Variants in CDH17 observed in about 807,000 individuals in gnomAD.
CDH17 encodes cadherin-17.
A neutral mutation model predicts 86.3 loss-of-function variants in CDH17; 67 were observed. That is an observed-to-expected ratio of 0.78 (90% CI 0.64 to 0.95). The LOEUF is 0.95. Ranked by LOEUF, CDH17 falls within the 40% of genes least tolerant of loss-of-function variation. The pLI is 0.00. For missense variants in CDH17, 993 were observed against 1,017.6 expected (o/e 0.98, Z 0.33); for synonymous variants, 367 against 366.4 (o/e 1.00, Z -0.02).
chr8:94,173,269 G>T (rs1813303839), intron 7 of CDH17, among the ~76,000 whole-genome samples: 1 of 152,134 alleles, frequency 6.6e-6, no homozygotes, highest in African/African-American at 2.4e-5. Context: ...CCAGTGGGAG[G>T]TGGGATCATG....
Position 94,200,532 on chromosome 8 carries a change from C to CTTTTTTTTTTTTTTTTTTTTTTTTTTT in CDH17, c.-20-5828_-20-5827insAAAAAAAAAAAAAAAAAAAAAAAAAAA, listed in dbSNP as rs1387182561. Among the ~76,000 whole-genome samples, 2 of 50,236 alleles carry CTTTTTTTTTTTTTTTTTTTTTTTTTTT rather than the reference C, an allele frequency of 4.0e-5. 1 individual carries two copies. The allele number at this position is 50,236 out of a possible 152,430, so 33.0% of individuals were successfully genotyped here. A position where few individuals can be genotyped will look rare whatever the true frequency, so the allele number is the denominator to read the frequency against. The stretch of plus-strand genomic sequence containing the variant: ...TAGATCAGAGGGTTATTATTATTAT[C>CTTTTTTTTTTTTTTTTTTTTTTTTTTT]TTTTGTTTTTTTTTTTTTTTTTTTT... On this transcript the variant is annotated intron_variant, in intron 1 of 17. Transcript: ENST00000027335.
Position 94,153,340 on chromosome 8 carries a change from G to T in CDH17, c.1552-1228C>A, listed in dbSNP as rs889690551. Among the ~76,000 whole-genome samples, 7 of 152,160 alleles carry T rather than the reference G, an allele frequency of 4.6e-5. No individual in the cohort carries two copies. The East Asian group carries it at 1.3e-3, about 29-fold the overall frequency. ...GATATTACCTCACACCTGTTAGAAT[G>T]ACTTATCAAAAAGACAAAAAACAAA... On this transcript the variant is annotated intron_variant, in intron 12 of 17. Coordinates refer to ENST00000027335, the MANE Select transcript of CDH17 (RefSeq NM_004063.4).
intron 15 of CDH17, among the ~76,000 whole-genome samples, chr8:94,137,319 G>A (rs1054928005): frequency 3.9e-5 from 6 of 152,102 alleles, no homozygotes; most frequent in East Asian, 1.9e-4. Flanking sequence ...CTTCCCAGCC[G>A]CTTTACCTAC....
chr8:94,143,032 A>G (rs1027756561), intron 15 of CDH17, among the ~76,000 whole-genome samples: 1 of 152,228 alleles, frequency 6.6e-6, no homozygotes, highest in African/African-American at 2.4e-5. Flanking sequence ...AAACTGGTGA[A>G]TCATTTCCAG....
chr8:94,132,748 G>C (rs1812444212), intron 15 of CDH17, among the ~76,000 whole-genome samples: 1 of 152,116 alleles, frequency 6.6e-6, no homozygotes, highest in Non-Finnish European at 1.5e-5. Flanking sequence ...GCCCACGCCT[G>C]TCTTCTGAAT....
At chr8:94,202,697 G>C (rs1205851424) in intron 1 of CDH17, 1 of 155,714 alleles carries the variant, frequency 6.4e-6, no homozygotes. Context: ...AGTTTCTTGC[G>C]ATGGCTGGAC....
Position 94,127,881 on chromosome 8 carries a change from G to C in CDH17, c.*359C>G, listed in dbSNP as rs1211459468. 1 of 212,460 alleles carries C rather than the reference G, an allele frequency of 4.7e-6. No individual in the cohort carries two copies. Among genetic ancestry groups the C allele is most frequent in the East Asian group, 1.3e-4 (1 of 7,666 alleles). 13.2% of individuals were successfully genotyped at this position (212,460 alleles called of 1,614,324 possible). On this transcript the variant is annotated 3_prime_UTR_variant, in exon 18 of 18. Transcript: ENST00000027335. Reference sequence around the variant, plus strand: ...GACCAAGGCAGGCAGATCACTTGACGTCAGGAGTTCAAGACCAGCCTGGCC... The same window carrying C: ...GACCAAGGCAGGCAGATCACTTGACCTCAGGAGTTCAAGACCAGCCTGGCC...
intron 1 of CDH17, among the ~76,000 whole-genome samples, chr8:94,215,692 G>A (rs1181439098): frequency 1.3e-5 from 2 of 152,054 alleles, no homozygotes; most frequent in African/African-American, 4.8e-5. Context: ...AGTATTCCCT[G>A]CAACTAATGC....
chr8:94,132,377 G>T (rs550391297), intron 15 of CDH17, among the ~76,000 whole-genome samples: 13 of 152,284 alleles, frequency 8.5e-5, no homozygotes, highest in African/African-American at 3.1e-4. Flanking sequence ...CTTCTAACTG[G>T]TGTGAGATGG....
upstream of CDH17, among the ~76,000 whole-genome samples, chr8:94,212,365 C>T (rs1473359053): frequency 6.6e-6 from 1 of 152,140 alleles, no homozygotes; most frequent in East Asian, 1.9e-4. Flanking sequence ...TGGACTCCAA[C>T]TCCTGGGGTC....
At position 94,161,792 on chromosome 8, in the gene CDH17, T is replaced by G. The variant is rs548169037; in HGVS notation, c.1359+294A>C. On this transcript the variant is annotated intron_variant, in intron 11 of 17. Coordinates refer to ENST00000027335, the MANE Select transcript of CDH17 (RefSeq NM_004063.4). Reference sequence around the variant, plus strand: ...TATAATGACAAACTGTAAGCCGCCATTCACCTTTTTTCAATTTGACAAAGA... The same window carrying G: ...TATAATGACAAACTGTAAGCCGCCAGTCACCTTTTTTCAATTTGACAAAGA... 1.9e-3 allele frequency among the ~76,000 whole-genome samples: 295 copies of G among 152,348 alleles called. 1 individual carries two copies. The highest frequency in any genetic ancestry group is 6.9e-3 in the African/African-American group (285 of 41,584).
At chr8:94,176,803 C>A in intron 4 of CDH17, 124 bp from the exon 5 acceptor site, 2 of 984,826 alleles carry the variant, frequency 2.0e-6, no homozygotes, top group Non-Finnish European at 1.5e-6. Flanking sequence ...AGAGAAAGAA[C>A]TCACAAAAGG....
At chr8:94,209,832 G>A (rs1311215872), upstream of CDH17, among the ~76,000 whole-genome samples, 1 of 152,110 alleles carries the variant, frequency 6.6e-6, no homozygotes, top group African/African-American at 2.4e-5. Flanking sequence ...GGAATCAAGG[G>A]CAAGCATCTC....
rs888508770 is a variant in CDH17 at position 94,127,957 on chromosome 8, G to A, written c.*283C>T. 6.6e-6 allele frequency: 2 copies of A among 301,252 alleles called. No individual in the cohort carries two copies. The highest frequency in any genetic ancestry group is 1.5e-4 in the East Asian group (2 of 13,092). 18.7% of individuals were successfully genotyped at this position (301,252 alleles called of 1,614,324 possible). On this transcript the variant is annotated 3_prime_UTR_variant, in exon 18 of 18. Transcript: ENST00000027335. The stretch of plus-strand genomic sequence containing the variant: ...AAAATACAAAAATTAGCTGGGCATG[G>A]TGGTGGGTGCCTGTAAACCCAGCTA...
intron 12 of CDH17, among the ~76,000 whole-genome samples, chr8:94,154,792 G>A (rs1194684396): frequency 1.3e-5 from 2 of 152,176 alleles, no homozygotes; most frequent in Admixed American, 1.3e-4. Flanking sequence ...TCCATGAGAA[G>A]AAGAACTGCA....
upstream of CDH17, among the ~76,000 whole-genome samples, chr8:94,209,253 G>GTTTT (rs1319284770): frequency 6.6e-6 from 1 of 152,158 alleles, no homozygotes; most frequent in Non-Finnish European, 1.5e-5. Flanking sequence ...AATGCCCCCA[G>GTTTT]ATTTCTCAAG....
At chr8:94,134,576 T>TATCA (rs1439892215) in intron 15 of CDH17, among the ~76,000 whole-genome samples, 1 of 152,212 alleles carries the variant, frequency 6.6e-6, no homozygotes, top group East Asian at 1.9e-4. Context: ...GCTAGCAGTC[T>TATCA]ATCAATTTTG....
chr8:94,206,610 T>A (rs1814031388), intron 1 of CDH17, among the ~76,000 whole-genome samples: 1 of 151,144 alleles, frequency 6.6e-6, no homozygotes, highest in Admixed American at 6.6e-5. Context: ...GTAGAGTTTC[T>A]GCCAGGATAT....
intron 1 of CDH17, chr8:94,203,062 T>C (rs896271565): frequency 3.0e-5 from 6 of 198,314 alleles, no homozygotes; most frequent in African/African-American, 1.4e-4. Context: ...TCTTGCAAGA[T>C]GGGAAGGTGA....
Sources: allele counts gnomAD v4.1 joint callset (sites outside exome capture counted in the v4.1 genomes callset), GRCh38; gene constraint gnomAD v4.1.1; transcripts MANE v1.5; gene names NCBI Gene and HGNC (gene_info 2026-07-23, HGNC 2026-07-21).